Variants in ALDH6A1 observed in about 807,000 individuals in gnomAD.
ALDH6A1 encodes aldehyde dehydrogenase 6 family member A1.
Under a neutral mutation model 62.6 loss-of-function variants are expected in ALDH6A1, and 43 were observed. The observed-to-expected ratio is 0.69, with a 90% CI of 0.54 to 0.89. The LOEUF is 0.89. Among genes scored for constraint, ALDH6A1 ranks in the 40% least tolerant of loss-of-function variants. ALDH6A1 has a pLI of 0.00. For missense variants in ALDH6A1, 551 were observed against 661.3 expected, an observed-to-expected ratio of 0.83 and a Z score of 1.83; for synonymous variants, 194 against 234.2, an observed-to-expected ratio of 0.83 and a Z score of 1.57.
intron 3 of ALDH6A1, 83 bp from the exon 4 acceptor site, chr14:74,072,447 C>CT: frequency 2.5e-6 from 4 of 1,613,398 alleles, no homozygotes; most frequent in Non-Finnish European, 3.4e-6. Context: ...GCACTATGTG[C>CT]TTTACAACAG....
At chr14:74,072,406 C>G (rs926622341) in intron 3 of ALDH6A1, 42 bp from the exon 4 acceptor site, 1 of 1,614,036 alleles carries the variant, frequency 6.2e-7, no homozygotes, top group Non-Finnish European at 8.5e-7. Flanking sequence ...CCTGACTCAC[C>G]TTCTCCACTG....
intron 1 of ALDH6A1, among the ~76,000 whole-genome samples, chr14:74,080,291 A>G (rs149272846): frequency 9.9e-5 from 15 of 151,786 alleles, no homozygotes; most frequent in African/African-American, 3.4e-4. Flanking sequence ...ATCCCAGTCT[A>G]TACCATCATT....
intron 4 of ALDH6A1, 79 bp from the exon 5 acceptor site, chr14:74,072,053 G>T: frequency 6.4e-7 from 1 of 1,564,572 alleles, no homozygotes; most frequent in Non-Finnish European, 8.8e-7. Context: ...GGAAGAATAA[G>T]ACTGGAGGAG....
chr14:74,083,177 C>G (rs1290502223), intron 1 of ALDH6A1, among the ~76,000 whole-genome samples: 1 of 152,188 alleles, frequency 6.6e-6, no homozygotes, highest in Non-Finnish European at 1.5e-5. Flanking sequence ...TGCCAAGAAT[C>G]TTAAAACTGC....
chr14:74,081,102 T>C (rs1448992119), intron 1 of ALDH6A1: 1 of 152,210 alleles, frequency 6.6e-6, no homozygotes, highest in Admixed American at 6.5e-5. Context: ...CTCTAGGAAG[T>C]CTCAACCTCA....
In ALDH6A1 at chr14:74,071,362, G is replaced by C. The variant is rs2060546828; in HGVS notation, c.563C>G (p.Pro188Arg). The C allele has an allele frequency of 6.2e-7, 1 of 1,614,060 alleles. No individual in the cohort carries two copies. The highest frequency in any genetic ancestry group is 8.5e-7 in the Non-Finnish European group (1 of 1,180,050). ...AAACATCCAAAGGGGGATCATGGCA[G>C]GAAAATTGAATGGAGCAATGCCTGC... ...VCAGIAPFNF[P>R]AMIPLWMFPM... Residue 188 changes from proline to arginine, a missense_variant, in exon 6 of 12, where the codon CCT becomes CGT. Pro to Arg is a moderately radical substitution (Grantham distance 103, BLOSUM62 -2). Transcript: ENST00000553458.
Position 74,057,227 on chromosome 14 carries a change from C to G in ALDH6A1, c.*3415G>C, listed in dbSNP as rs1326649533. ...TCTTCTGGTGAAGTGGTGCTACCCA[C>G]TATTCCAAAAGAACCTCAGGAGTCT... On this transcript the variant is annotated 3_prime_UTR_variant, in exon 12 of 12. Coordinates refer to ENST00000553458, the MANE Select transcript of ALDH6A1 (RefSeq NM_005589.4). 3 of 1,614,106 alleles carry G rather than the reference C, an allele frequency of 1.9e-6. No homozygotes were observed. Among genetic ancestry groups the G allele is most frequent in the East Asian group, 4.5e-5 (2 of 44,872 alleles).
intron 6 of ALDH6A1, chr14:74,069,379 G>A (rs1427938263): frequency 5.5e-5 from 16 of 289,432 alleles, no homozygotes; most frequent in South Asian, 5.0e-4. Flanking sequence ...TGGGATTACA[G>A]GTGTGAGCCA....
chr14:74,062,614 CAAAA>C (rs2060372988), intron 11 of ALDH6A1, among the ~76,000 whole-genome samples: 1 of 152,030 alleles, frequency 6.6e-6, no homozygotes, highest in South Asian at 2.1e-4. Flanking sequence ...AACCCCAAAA[CAAAA>C]AACCAAAAGC....
chr14:74,059,109 G>T lies in ALDH6A1; in HGVS notation c.*1533C>A. 1 of 162,612 alleles carries T rather than the reference G, an allele frequency of 6.1e-6. No homozygotes were observed. The highest frequency in any genetic ancestry group is 1.3e-5 in the Non-Finnish European group (1 of 78,802). 10.1% of individuals were successfully genotyped at this position (162,612 alleles called of 1,614,324 possible). On this transcript the variant is annotated 3_prime_UTR_variant, in exon 12 of 12. Transcript: ENST00000553458. ...CAAAAAAAAAAAAAAAAAAAAAAGC[G>T]TAAAGGCAGTTGAACTAATGGCAGA...
chr14:74,061,321 A>T (rs10140036), intron 11 of ALDH6A1, among the ~76,000 whole-genome samples: 24,910 of 150,296 alleles, frequency 0.17, 2,679 homozygotes, highest in African/African-American at 0.31. Flanking sequence ...ATTTATTTTG[A>T]GACAGAGTCT....
chr14:74,070,272 A>C (rs1307035462), intron 6 of ALDH6A1, among the ~76,000 whole-genome samples: 3 of 152,038 alleles, frequency 2.0e-5, no homozygotes. Flanking sequence ...TAATCCCAGC[A>C]CTTTGGGAGG....
chr14:74,075,938 T>G (rs1406956178), intron 1 of ALDH6A1, among the ~76,000 whole-genome samples: 1 of 152,140 alleles, frequency 6.6e-6, no homozygotes, highest in Non-Finnish European at 1.5e-5. Flanking sequence ...ATATAAATAG[T>G]CATAATAATT....
intron 1 of ALDH6A1, among the ~76,000 whole-genome samples, chr14:74,084,056 G>A (rs974394045): frequency 6.6e-6 from 1 of 152,184 alleles, no homozygotes; most frequent in Non-Finnish European, 1.5e-5. Flanking sequence ...GCAAGAGAGT[G>A]ACAGCAGGGA....
At chr14:74,082,393 GTTTTTTT>G (rs869211328) in intron 1 of ALDH6A1, among the ~76,000 whole-genome samples, 1 of 77,604 alleles carries the variant, frequency 1.3e-5, no homozygotes, top group Non-Finnish European at 2.4e-5. Context: ...CAAAATCGAG[GTTTTTTT>G]TTTTTTTTTT....
chr14:74,068,692 G>A (rs1030111652), intron 7 of ALDH6A1, among the ~76,000 whole-genome samples, 168 bp downstream of exon 7: 2 of 152,062 alleles, frequency 1.3e-5, no homozygotes, highest in Admixed American at 1.3e-4. Flanking sequence ...GCAGTGAGCC[G>A]AGATCATGCC....
intron 11 of ALDH6A1, among the ~76,000 whole-genome samples, chr14:74,062,051 GA>G (rs369414700): frequency 0.033 from 1,938 of 59,478 alleles, 111 homozygotes; most frequent in African/African-American, 0.1. Context: ...TCTCTACTGG[GA>G]AAAAAAAAAA....
intron 2 of ALDH6A1, among the ~76,000 whole-genome samples, chr14:74,072,893 G>C (rs1049976406): frequency 6.6e-6 from 1 of 151,228 alleles, no homozygotes; most frequent in Non-Finnish European, 1.5e-5. Flanking sequence ...TCTGATTCCC[G>C]GGTTCGAGCA....
At chr14:74,071,095 C>T in intron 6 of ALDH6A1, 100 bp downstream of exon 6, 1 of 1,161,810 alleles carries the variant, frequency 8.6e-7, no homozygotes, top group Admixed American at 1.7e-5. Context: ...ATCCTTTCCT[C>T]CTTACAAGTA....
Sources: gnomAD v4.1 joint callset for allele counts (sites outside exome capture counted in the v4.1 genomes callset) on GRCh38, gnomAD v4.1.1 for gene constraint, MANE v1.5 for transcripts, NCBI Gene and HGNC (gene_info 2026-07-23, HGNC 2026-07-21) for gene names.